The following CDC14B variants were observed in gnomAD, a reference collection of about 807,000 sequenced individuals.
The protein encoded by CDC14B is cell division cycle 14B.
A neutral mutation model predicts 64.2 loss-of-function variants in CDC14B; 22 were observed. The ratio of observed to expected loss-of-function variants is 0.34; its 90% CI spans 0.24 to 0.49. The LOEUF is 0.49. Among genes scored for constraint, CDC14B ranks in the 20% least tolerant of loss-of-function variants. The pLI, the probability that CDC14B is intolerant of heterozygous loss-of-function variation, is 0.99. For missense variants in CDC14B, 498 were observed against 629.9 expected, an observed-to-expected ratio of 0.79 and a Z score of 2.24; for synonymous variants, 191 against 215.8, an observed-to-expected ratio of 0.89 and a Z score of 1.01.
chr9:96,492,889 C>T (rs1003979638), exon 14 of CDC14B: 2 of 152,272 alleles, frequency 1.3e-5, no homozygotes, highest in African/African-American at 4.8e-5. Flanking sequence ...CTGGGAATGC[C>T]TCCGAAGTCA....
chr9:96,534,186 A>T (rs1838948408), intron 8 of CDC14B, 29 bp from the exon 9 acceptor site: 2 of 1,349,570 alleles, frequency 1.5e-6, no homozygotes, highest in Non-Finnish European at 2.1e-6. Flanking sequence ...CAGATCTTAT[A>T]AAACACATAA....
chr9:96,605,788 G>C (rs1406118459), intron 1 of CDC14B, among the ~76,000 whole-genome samples: 6 of 151,826 alleles, frequency 4.0e-5, no homozygotes, highest in Non-Finnish European at 8.8e-5. Flanking sequence ...TTGAACCCGG[G>C]AGGTGGAGGT....
chr9:96,566,699 A>G (rs1844013500), intron 1 of CDC14B: 1 of 1,482,436 alleles, frequency 6.7e-7, no homozygotes, highest in African/African-American at 1.4e-5. Flanking sequence ...CCTCCAAGCC[A>G]GCACTGCCCG....
intron 9 of CDC14B, among the ~76,000 whole-genome samples, chr9:96,529,283 C>A (rs768933081): frequency 6.6e-6 from 1 of 152,090 alleles, no homozygotes; most frequent in Non-Finnish European, 1.5e-5. Flanking sequence ...CAATTTCATT[C>A]TTTTACATGT....
chr9:96,557,263 A>G (rs1587956684), intron 4 of CDC14B, among the ~76,000 whole-genome samples: 1 of 152,224 alleles, frequency 6.6e-6, no homozygotes, highest in Non-Finnish European at 1.5e-5. Flanking sequence ...TGCTCAGCCC[A>G]GTTCGCCTCA....
chr9:96,597,683 G>C (rs977275094), intron 1 of CDC14B, among the ~76,000 whole-genome samples: 4 of 152,130 alleles, frequency 2.6e-5, no homozygotes, highest in Admixed American at 1.3e-4. Context: ...TATAAAAAAT[G>C]TTAAAAGATA....
intron 12 of CDC14B, 94 bp downstream of exon 12, chr9:96,522,412 C>T (rs1442021321): frequency 5.9e-6 from 5 of 846,456 alleles, no homozygotes; most frequent in Non-Finnish European, 1.0e-5. Flanking sequence ...CATGGGCTTG[C>T]AACTATGGAG....
At chr9:96,545,134 C>A (rs1469307002) in intron 5 of CDC14B, among the ~76,000 whole-genome samples, 3 of 152,036 alleles carry the variant, frequency 2.0e-5, no homozygotes, top group African/African-American at 4.8e-5. Flanking sequence ...ACCTACAAAT[C>A]AACACAAATC....
At chr9:96,567,457 A>G (rs1046307110) in intron 1 of CDC14B, among the ~76,000 whole-genome samples, 1 of 152,256 alleles carries the variant, frequency 6.6e-6, no homozygotes, top group African/African-American at 2.4e-5. Flanking sequence ...GCCGGGTCTT[A>G]TGGGAAACGG....
At position 96,551,111 on chromosome 9, in the gene CDC14B, C is replaced by CTTTTTTTTTTTTTTTTTTTTTTTT. The variant is rs202193145; in HGVS notation, c.497+684_497+685insAAAAAAAAAAAAAAAAAAAAAAAA. On this transcript the variant is annotated intron_variant, in intron 5 of 13. Transcript: ENST00000375241. ...TACAAAGCCTAGGTTTTGGGGTTTG[C>CTTTTTTTTTTTTTTTTTTTTTTTT]TTTTTTTTTTTTTTTTTTTGAGACA... is the stretch of plus-strand genomic sequence containing the variant. Among the ~76,000 whole-genome samples, 66 of 93,290 alleles carry CTTTTTTTTTTTTTTTTTTTTTTTT rather than the reference C, an allele frequency of 7.1e-4. 12 individuals carry two copies. The highest frequency in any genetic ancestry group is 1.3e-3 in the East Asian group (4 of 3,132). The allele number at this position is 93,290 out of a possible 152,430, so 61.2% of individuals were successfully genotyped here.
intron 1 of CDC14B, among the ~76,000 whole-genome samples, chr9:96,610,846 C>T (rs1847269419): frequency 1.3e-5 from 2 of 152,136 alleles, no homozygotes; most frequent in African/African-American, 4.8e-5. Context: ...TTAACTATCA[C>T]AGAAACCAAC....
chr9:96,494,982 C>G (rs1833189346), intron 13 of CDC14B, among the ~76,000 whole-genome samples: 1 of 151,580 alleles, frequency 6.6e-6, no homozygotes, highest in African/African-American at 2.4e-5. Context: ...CTACAGGTAC[C>G]TGCCACCACG....
At chr9:96,508,501 T>A (rs1176668810) in intron 13 of CDC14B, among the ~76,000 whole-genome samples, 1 of 152,252 alleles carries the variant, frequency 6.6e-6, no homozygotes, top group Non-Finnish European at 1.5e-5. Context: ...GGTCAGTATT[T>A]CTCTAATATT....
intron 5 of CDC14B, among the ~76,000 whole-genome samples, chr9:96,548,946 G>A (rs970992315): frequency 2.6e-5 from 4 of 152,038 alleles, no homozygotes; most frequent in African/African-American, 9.7e-5. Flanking sequence ...ATACTTTGTT[G>A]GTCATATTTA....
Position 96,515,650 on chromosome 9 carries a change from G to A in CDC14B, c.1344-5861C>T. On this transcript the variant is annotated intron_variant, in intron 12 of 13. Coordinates refer to ENST00000375241, the MANE Select transcript of CDC14B (RefSeq NM_033331.4). The surrounding 1 kb of genome is among the most constrained non-coding windows in gnomAD (Gnocchi z 4.3). ...AGAGAAACAGAACGGGACACTTACA[G>A]CAGCTATCTGTCAGGGGGTCCTGAT... The A allele has an allele frequency of 6.4e-7, 1 of 1,566,834 alleles. No homozygotes were observed. The highest frequency in any genetic ancestry group is 8.6e-7 in the Non-Finnish European group (1 of 1,156,314).
intron 13 of CDC14B, among the ~76,000 whole-genome samples, chr9:96,495,056 G>A (rs953300821): frequency 1.3e-5 from 2 of 151,594 alleles, no homozygotes; most frequent in African/African-American, 2.4e-5. Flanking sequence ...GGATGGGCTC[G>A]ATCTCCTGAC....
At chr9:96,607,352 A>G (rs1037222456) in intron 1 of CDC14B, among the ~76,000 whole-genome samples, 5 of 148,940 alleles carry the variant, frequency 3.4e-5, no homozygotes, top group Non-Finnish European at 6.0e-5. Flanking sequence ...GATTTCATTA[A>G]ATTTTTTTTT....
intron 1 of CDC14B, among the ~76,000 whole-genome samples, chr9:96,596,925 G>A (rs1846119933): frequency 6.6e-6 from 1 of 151,528 alleles, no homozygotes; most frequent in East Asian, 1.9e-4. Flanking sequence ...CTAATAAGCA[G>A]ATAATTATAT....
chr9:96,528,477 G>A (rs984340401), intron 9 of CDC14B, among the ~76,000 whole-genome samples: 2 of 151,822 alleles, frequency 1.3e-5, no homozygotes, highest in African/African-American at 4.8e-5. Flanking sequence ...AGCCAAGATT[G>A]CACCACAGCA....
Sources: allele counts gnomAD v4.1 joint callset (sites outside exome capture counted in the v4.1 genomes callset), GRCh38; gene constraint gnomAD v4.1.1; non-coding constraint Gnocchi (gnomAD v3.1); transcripts MANE v1.5; gene names NCBI Gene and HGNC (gene_info 2026-07-23, HGNC 2026-07-21).